The following ERFE variants were observed in gnomAD, a reference collection of about 807,000 sequenced individuals.
ERFE encodes the protein erythroferrone.
A neutral mutation model predicts 26.6 loss-of-function variants in ERFE; 25 were observed. The ratio of observed to expected loss-of-function variants is 0.94; its 90% confidence interval spans 0.69 to 1.31. ERFE has a LOEUF of 1.31. Among genes scored for constraint, ERFE ranks in the 40% most tolerant of loss-of-function variants. The pLI is 0.00. For missense variants in ERFE, 447 were observed against 440.2 expected (o/e 1.02, Z -0.14); for synonymous variants, 206 against 204.5 (o/e 1.01, Z -0.06).
Position 238,165,937 on chromosome 2 carries a change from C to T in ERFE, c.966+253C>T, listed in dbSNP as rs537821003. Among the ~76,000 whole-genome samples, 33 of 152,344 alleles carry T rather than the reference C, an allele frequency of 2.2e-4. No individual in the cohort carries two copies. In the South Asian group the frequency reaches 6.0e-3, roughly 28 times the overall value. On this transcript the variant is annotated intron_variant, in intron 7 of 7. Transcript: ENST00000546354. ...GCACCTGCCCGCTTGAGCAGCTGCTCCGCTCTGCATTCCCAATATTCAGAC... is the reference window on the plus strand; with the variant it reads ...GCACCTGCCCGCTTGAGCAGCTGCTTCGCTCTGCATTCCCAATATTCAGAC...
At chr2:238,165,468 CACCACCTCCACTGGAA>C in intron 6 of ERFE, 122 bp from the exon 7 acceptor site, 1 of 678,708 alleles carries the variant, frequency 1.5e-6, no homozygotes, top group South Asian at 1.8e-5. Context: ...TCGGTTCAGA[CACCACCTCCACTGGAA>C]GACCTGGCCA....
chr2:238,161,893 G>A (rs12618914), intron 2 of ERFE, among the ~76,000 whole-genome samples, 177 bp downstream of exon 2: 26,807 of 152,178 alleles, frequency 0.18, 2,627 homozygotes, highest in East Asian at 0.36. Flanking sequence ...TTAGGGGCCT[G>A]GTCCCAACCA....
chr2:238,160,327 C>A (rs1225276405), intron 1 of ERFE, among the ~76,000 whole-genome samples: 3 of 152,192 alleles, frequency 2.0e-5, no homozygotes, highest in African/African-American at 7.2e-5. Context: ...TACAGCTCTA[C>A]CTGCAAACCA....
Position 238,163,913 on chromosome 2 carries a change from C to A in ERFE, c.601C>A (p.Arg201Ser). The change falls in exon 4 of 8, where the codon CGC (arginine) becomes AGC (serine). Residue 201 changes from arginine to serine, a missense_variant. By Grantham distance (110) the Arg-to-Ser change is moderately radical (BLOSUM62 -1). Transcript: ENST00000546354. ...APLAPGPRAP[R>S]VEAAFLCRLR... ...CCTGGCCCCGGGGCCGCGGGCGCCG[C>A]GCGTGGAGGCCGCTTTCCTCTGCCG... 1.5e-6 allele frequency: 2 copies of A among 1,326,080 alleles called. No homozygotes were observed. Among genetic ancestry groups the A allele is most frequent in the Non-Finnish European group, 1.9e-6 (2 of 1,047,486 alleles). 82.1% of individuals were successfully genotyped at this position (1,326,080 alleles called of 1,614,324 possible).
intron 7 of ERFE, among the ~76,000 whole-genome samples, chr2:238,166,117 C>T (rs1252394169): frequency 6.6e-6 from 1 of 152,224 alleles, no homozygotes; most frequent in Non-Finnish European, 1.5e-5. Flanking sequence ...ATTTTCCTAC[C>T]CAAAACCCTA....
Position 238,163,885 on chromosome 2 carries a change from G to GCCCCTGGC in ERFE, c.577_584dup (p.Gly196TrpfsTer50). ...GGGACGTGCTGGCACTGCTGGCCGC[G>GCCCCTGGC]CCCCTGGCCCCGGGGCCGCGGGCGC... On this transcript the variant is annotated frameshift_variant, in exon 4 of 8. Transcript: ENST00000546354. LOFTEE classifies it high-confidence loss of function. 1.5e-6 allele frequency: 2 copies of GCCCCTGGC among 1,312,262 alleles called. No individual in the cohort carries two copies. The highest frequency in any genetic ancestry group is 9.6e-7 in the Non-Finnish European group (1 of 1,038,798). The allele number at this position is 1,312,262 out of a possible 1,614,324, so 81.3% of individuals were successfully genotyped here. A position where few individuals can be genotyped will look rare whatever the true frequency, so the allele number is the denominator to read the frequency against.
In ERFE at chr2:238,167,762, C is replaced by G; in HGVS notation, c.*708C>G. The G allele has an allele frequency of 3.6e-6, 1 of 279,228 alleles. No individual in the cohort carries two copies. The highest frequency in any genetic ancestry group is 9.2e-5 in the East Asian group (1 of 10,906). The allele number at this position is 279,228 out of a possible 1,614,324, so 17.3% of individuals were successfully genotyped here. A position where few individuals can be genotyped will look rare whatever the true frequency, so the allele number is the denominator to read the frequency against. On this transcript the variant is annotated 3_prime_UTR_variant, in exon 8 of 8. Coordinates refer to ENST00000546354, the MANE Select transcript of ERFE (RefSeq NM_001291832.2). ...TAACTCACAAATTCACCTCAGAAGG[C>G]CTTTCCAAATGGGAGCTCCACTCTT...
intron 1 of ERFE, among the ~76,000 whole-genome samples, chr2:238,159,697 C>G (rs1352340239): frequency 6.6e-6 from 1 of 152,110 alleles, no homozygotes. Flanking sequence ...GGCTTTTGGC[C>G]GTGAGTGGGT....
chr2:238,161,414 C>T (rs192903599), intron 1 of ERFE, among the ~76,000 whole-genome samples, 180 bp from the exon 2 acceptor site: 3 of 152,304 alleles, frequency 2.0e-5, no homozygotes, highest in South Asian at 2.1e-4. Flanking sequence ...CTCCACGGGC[C>T]GGGGGAGAAG....
chr2:238,163,692 G>A (rs1692976103), intron 3 of ERFE, 45 bp from the exon 4 acceptor site: 2 of 1,267,560 alleles, frequency 1.6e-6, no homozygotes, highest in Non-Finnish European at 9.9e-7. Flanking sequence ...CGCGGCGGGC[G>A]GGTGAGGGGT....
Position 238,167,694 on chromosome 2 carries a change from C to CAGTA in ERFE, c.*644_*647dup, listed in dbSNP as rs1401850099. On this transcript the variant is annotated 3_prime_UTR_variant, in exon 8 of 8. Coordinates refer to ENST00000546354, the MANE Select transcript of ERFE (RefSeq NM_001291832.2). ...GCACTGGACAAGGGCCTTTGGGGGA[C>CAGTA]AGTAAGTCTGGGCCCAGCTTCTAGT... The CAGTA allele has an allele frequency of 1.5e-5, 5 of 343,078 alleles. No individual in the cohort carries two copies. The highest frequency in any genetic ancestry group is 7.7e-5 in the Admixed American group (2 of 25,980). The allele number at this position is 343,078 out of a possible 1,614,324, so 21.3% of individuals were successfully genotyped here.
Position 238,164,289 on chromosome 2 carries a change from G to A in ERFE, c.816G>A (p.Arg272=), listed in dbSNP as rs953589062. Residue 272 remains arginine (R), a synonymous_variant, in exon 6 of 8, where the codon AGG becomes AGA. Coordinates refer to ENST00000546354, the MANE Select transcript of ERFE (RefSeq NM_001291832.2). ...TLHVALGEPP[R]RGPPRPRDHL... ...CCGCAGCGCTCGGGGAGCCGCCGAG[G>A]AGGGGGCCGCCGCGCCCCCGGGACC... 2.0e-6 allele frequency: 3 copies of A among 1,515,828 alleles called. No homozygotes were observed. The highest frequency in any genetic ancestry group is 1.2e-5 in the South Asian group (1 of 82,552). The allele number at this position is 1,515,828 out of a possible 1,614,324, so 93.9% of individuals were successfully genotyped here. A position where few individuals can be genotyped will look rare whatever the true frequency, so the allele number is the denominator to read the frequency against.
rs917145933 is a variant in ERFE at position 238,168,098 on chromosome 2, A to AGAT, written c.*1046_*1048dup. 9.0e-6 allele frequency: 2 copies of AGAT among 222,662 alleles called. No individual in the cohort carries two copies. Among genetic ancestry groups the AGAT allele is most frequent in the African/African-American group, 4.6e-5 (2 of 43,434 alleles). The allele number at this position is 222,662 out of a possible 1,614,324, so 13.8% of individuals were successfully genotyped here. The stretch of plus-strand genomic sequence containing the variant: ...TGACATTGGACAGGTGGTGGACGAG[A>AGAT]GATGGTCCCGAGAAAGGGTGGTCTT... On this transcript the variant is annotated 3_prime_UTR_variant, in exon 8 of 8. Transcript: ENST00000546354.
chr2:238,168,382 C>G lies in ERFE; in HGVS notation c.*1328C>G, dbSNP rs140402227. 2.1e-6 allele frequency: 1 copy of G among 471,006 alleles called. No homozygotes were observed. The highest frequency in any genetic ancestry group is 1.5e-5 in the South Asian group (1 of 64,564). 29.2% of individuals were successfully genotyped at this position (471,006 alleles called of 1,614,324 possible). A position where few individuals can be genotyped will look rare whatever the true frequency, so the allele number is the denominator to read the frequency against. ...TCCCCACACAACAGGCTACGAAGAA[C>G]CTGGTGCCTCAGGACCTCCTGGGAG... is the stretch of plus-strand genomic sequence containing the variant. On this transcript the variant is annotated 3_prime_UTR_variant, in exon 8 of 8. Coordinates refer to ENST00000546354, the MANE Select transcript of ERFE (RefSeq NM_001291832.2).
chr2:238,167,060 C>G lies in ERFE; in HGVS notation c.*6C>G. The G allele has an allele frequency of 1.3e-6, 2 of 1,549,602 alleles. No homozygotes were observed. Among genetic ancestry groups the G allele is most frequent in the Non-Finnish European group, 1.7e-6 (2 of 1,146,520 alleles). On this transcript the variant is annotated 3_prime_UTR_variant, in exon 8 of 8. Transcript: ENST00000546354. ...CTGTCCTCCTGGGCGTGTGAGCGGC[C>G]ACCACAGGCCCTTCCTCTCAGGGGC...
rs886568556 is a variant in ERFE at position 238,163,997 on chromosome 2, CT to C, written c.686del (p.Leu229ArgfsTer14). The C allele has an allele frequency of 1.2e-5, 16 of 1,382,600 alleles. No individual in the cohort carries two copies. The African/African-American group carries it at 2.4e-4, about 21-fold the overall frequency. 85.6% of individuals were successfully genotyped at this position (1,382,600 alleles called of 1,614,324 possible). ...GCTGCACGAGCTTGGCGTCTACTAC[CT>C]GGTGAGTGCCGGCGCGCGGGAGGGC... ...RALHELGVYY[L>X]PDAEGAFRRG... On this transcript the variant is annotated frameshift_variant and splice_region_variant, in exon 4 of 8. Transcript: ENST00000546354. LOFTEE classifies it high-confidence loss of function.
chr2:238,160,183 C>T (rs1692916643), intron 1 of ERFE, among the ~76,000 whole-genome samples: 1 of 152,210 alleles, frequency 6.6e-6, no homozygotes, highest in Admixed American at 6.5e-5. Context: ...TTGTGGGGGA[C>T]ACAGTGACAC....
At position 238,163,946 on chromosome 2, in the gene ERFE, C is replaced by T. The variant is rs1433565078; in HGVS notation, c.634C>T (p.Arg212Trp). 9.5e-6 allele frequency: 13 copies of T among 1,374,612 alleles called. No homozygotes were observed. In the African/African-American group the frequency reaches 1.4e-4, roughly 15 times the overall value. 85.2% of individuals were successfully genotyped at this position (1,374,612 alleles called of 1,614,324 possible). ...VEAAFLCRLR[R>W]DALVERRALH... ...GGCCGCTTTCCTCTGCCGCCTGCGC[C>T]GGGACGCGTTGGTGGAGCGGCGCGC... The change falls in exon 4 of 8, where the codon CGG becomes TGG. Residue 212 changes from arginine (R) to tryptophan (W), a missense_variant. Arg to Trp is a moderately radical substitution (Grantham distance 101). Coordinates refer to ENST00000546354, the MANE Select transcript of ERFE (RefSeq NM_001291832.2).
In ERFE at chr2:238,167,220, A is replaced by G. The variant is rs891737547; in HGVS notation, c.*166A>G. On this transcript the variant is annotated 3_prime_UTR_variant, in exon 8 of 8. Coordinates refer to ENST00000546354, the MANE Select transcript of ERFE (RefSeq NM_001291832.2). The stretch of plus-strand genomic sequence containing the variant: ...CCACAGAGCCACTGCAGGCAGGCCT[A>G]CGGACGTGACACGCACGCTGGTGGT... 2 of 765,014 alleles carry G rather than the reference A, an allele frequency of 2.6e-6. No homozygotes were observed. 47.4% of individuals were successfully genotyped at this position (765,014 alleles called of 1,614,324 possible).
Sources: gnomAD v4.1 joint callset for allele counts (sites outside exome capture counted in the v4.1 genomes callset) on GRCh38, gnomAD v4.1.1 for gene constraint, MANE v1.5 for transcripts, NCBI Gene and HGNC (gene_info 2026-07-23, HGNC 2026-07-21) for gene names.